The following DMD variants were observed in gnomAD, a reference collection of about 807,000 sequenced individuals.
DMD encodes the protein dystrophin.
Under a neutral mutation model 330.1 loss-of-function variants are expected in DMD, and 63 were observed. That is an observed-to-expected ratio of 0.19 (90% CI 0.16 to 0.24). The LOEUF is 0.24. Among genes scored for constraint, DMD ranks in the 10% least tolerant of loss-of-function variants. The pLI is 1.00. For synonymous variants in DMD, 1,223 were observed against 959.8 expected, an observed-to-expected ratio of 1.27 and a Z score of -5.07; for missense variants, 3,344 against 2,684.1, an observed-to-expected ratio of 1.25 and a Z score of -5.43.
intron 38 of DMD, among the ~76,000 whole-genome samples, chrX:32,347,359 GGGGTCA>G (rs1234042234): frequency 9.0e-6 from 1 of 111,357 alleles, no homozygotes; most frequent in Non-Finnish European, 1.9e-5. Context: ...GGGCAGAGTT[GGGGTCA>G]GCCCAAGAGG....
At chrX:33,287,026 A>G (rs1057095972) in intron 1 of DMD, among the ~76,000 whole-genome samples, 2 of 112,107 alleles carry the variant, frequency 1.8e-5, no homozygotes, top group Non-Finnish European at 3.8e-5. Context: ...GGAAAGCAAC[A>G]CGCTGCCATG....
At chrX:32,503,938 A>T in intron 18 of DMD, among the ~76,000 whole-genome samples, 1 of 112,135 alleles carries the variant, frequency 8.9e-6, no homozygotes, top group East Asian at 2.8e-4. Context: ...AAGGCTTGAT[A>T]TAAAACTGCA....
At chrX:31,288,359 T>C (rs1311030324) in intron 62 of DMD, among the ~76,000 whole-genome samples, 1 of 111,846 alleles carries the variant, frequency 8.9e-6, no homozygotes, top group African/African-American at 3.3e-5. Flanking sequence ...AGCATCTACT[T>C]AGGGCAGGTA....
chrX:32,878,528 A>G (rs1044133920), intron 2 of DMD, among the ~76,000 whole-genome samples: 1 of 112,058 alleles, frequency 8.9e-6, no homozygotes, highest in African/African-American at 3.2e-5. Context: ...AGAGCACAGT[A>G]TGATTTTCTT....
At chrX:32,262,356 G>C (rs2097326744) in intron 43 of DMD, among the ~76,000 whole-genome samples, 1 of 111,103 alleles carries the variant, frequency 9.0e-6, no homozygotes, top group East Asian at 2.8e-4. Flanking sequence ...ATCAAGGGAG[G>C]GGCAGGAGAG....
At chrX:33,308,067 A>T (rs752045430) in intron 1 of DMD, among the ~76,000 whole-genome samples, 1 of 112,369 alleles carries the variant, frequency 8.9e-6, no homozygotes, top group Admixed American at 9.5e-5. Flanking sequence ...TGACTCTGGT[A>T]TGTCTACCAA....
chrX:31,619,107 C>T (rs778748172), intron 55 of DMD, among the ~76,000 whole-genome samples: 84 of 110,888 alleles, frequency 7.6e-4, no homozygotes, highest in Non-Finnish European at 1.4e-3. Context: ...TTATTATTAC[C>T]CCCCTTAATA....
intron 1 of DMD, among the ~76,000 whole-genome samples, chrX:33,086,874 T>C (rs10522019): frequency 0.031 from 3,356 of 109,815 alleles, 124 homozygotes; most frequent in African/African-American, 0.1. Context: ...TCCAATATAT[T>C]TTAGCTGACC....
At chrX:32,699,421 T>A (rs1469513480) in intron 7 of DMD, 128 bp from the exon 8 acceptor site, 1 of 567,336 alleles carries the variant, frequency 1.8e-6, no homozygotes, top group African/African-American at 2.2e-5. Context: ...ATGAATGTCC[T>A]CCAGAGACTA....
chrX:31,172,226 G>T, intron 73 of DMD, 122 bp downstream of exon 73: 1 of 560,327 alleles, frequency 1.8e-6, no homozygotes. Context: ...GTAAATGAAT[G>T]GCTCCTTAAA....
At chrX:32,369,915 C>G (rs1378554816) in intron 34 of DMD, among the ~76,000 whole-genome samples, 1 of 111,029 alleles carries the variant, frequency 9.0e-6, no homozygotes, top group African/African-American at 3.3e-5. Flanking sequence ...TTTAGCTATT[C>G]CTTTCTCTTA....
chrX:32,429,182 A>AT (rs1157306533), intron 29 of DMD, among the ~76,000 whole-genome samples: 26 of 71,880 alleles, frequency 3.6e-4, no homozygotes, highest in South Asian at 1.8e-3. Flanking sequence ...CTACAGATGT[A>AT]TTTTTTTTTT....
At chrX:33,294,920 T>C (rs973144471) in intron 1 of DMD, among the ~76,000 whole-genome samples, 1 of 111,125 alleles carries the variant, frequency 9.0e-6, no homozygotes, top group African/African-American at 3.3e-5. Flanking sequence ...CTCACAAATA[T>C]TCACTGTAGA....
rs373297771 is a variant in DMD, at chrX:32,683,560, G to A, written c.960+14310C>T. 8.7e-4 allele frequency among the ~76,000 whole-genome samples: 87 copies of A among 99,862 alleles called. 1 individual carries two copies. The South Asian group carries it at 0.013, about 15-fold the overall frequency. 86.7% of individuals were successfully genotyped at this position (99,862 alleles called of 115,157 possible). ...TCGCAAGGACAAAAAACCAAACACC[G>A]CATGTTCTCACTCATAGGTGGGAAT... On this transcript the variant is annotated intron_variant, in intron 9 of 78. Transcript: ENST00000357033.
chrX:31,310,178 TCTC>T (rs2055360956), intron 62 of DMD, among the ~76,000 whole-genome samples: 1 of 81,915 alleles, frequency 1.2e-5, no homozygotes, highest in African/African-American at 5.4e-5. Context: ...TTCGTTGTCC[TCTC>T]TCTCTCTCTC....
At chrX:31,680,504 G>C (rs913414553) in intron 52 of DMD, among the ~76,000 whole-genome samples, 1 of 109,601 alleles carries the variant, frequency 9.1e-6, no homozygotes, top group Non-Finnish European at 1.9e-5. Context: ...CCGAGTAGCA[G>C]GAACTACAGG....
chrX:32,431,386 T>G lies in DMD; in HGVS notation c.4071+6855A>C, dbSNP rs190574171. Among the ~76,000 whole-genome samples, 10 of 111,700 alleles carry G rather than the reference T, an allele frequency of 9.0e-5. No individual in the cohort carries two copies. The East Asian group carries it at 2.8e-3, about 31-fold the overall frequency. On this transcript the variant is annotated intron_variant, in intron 29 of 78. Coordinates refer to ENST00000357033, the MANE Select transcript of DMD (RefSeq NM_004006.3). ...AGGTCTTCATTGAAGAAATGCCTTT[T>G]GAGCTCAACTGCTCATTTTTAAATT...
At chrX:31,185,675 G>A (rs1370456763) in intron 67 of DMD, among the ~76,000 whole-genome samples, 2 of 111,092 alleles carry the variant, frequency 1.8e-5, no homozygotes, top group East Asian at 2.8e-4. Context: ...TGATGTTATC[G>A]TAGGTCTGCT....
At chrX:33,113,210 T>G (rs926407049) in intron 1 of DMD, among the ~76,000 whole-genome samples, 13 of 107,458 alleles carry the variant, frequency 1.2e-4, no homozygotes, top group Non-Finnish European at 2.3e-4. Flanking sequence ...CCCGCCACCA[T>G]GCCTGGCTAA....
Sources: gnomAD v4.1 joint callset for allele counts (sites outside exome capture counted in the v4.1 genomes callset) on GRCh38, gnomAD v4.1.1 for gene constraint, MANE v1.5 for transcripts, NCBI Gene and HGNC (gene_info 2026-07-23, HGNC 2026-07-21) for gene names.